The following PIEZO2 variants were observed in gnomAD, a reference collection of about 807,000 sequenced individuals.
The protein encoded by PIEZO2 is piezo-type mechanosensitive ion channel component 2.
A neutral mutation model predicts 337.3 loss-of-function variants in PIEZO2; 172 were observed. The observed-to-expected ratio is 0.51, with a 90% CI of 0.45 to 0.58. The LOEUF (loss-of-function observed/expected upper bound fraction) is 0.58, where lower values mean the gene tolerates loss of function less well. PIEZO2 is among the 20% of genes least tolerant of loss of function. The pLI, the probability that PIEZO2 is intolerant of heterozygous loss-of-function variation, is 0.00. For synonymous variants in PIEZO2, 1,251 were observed against 1,228.5 expected (o/e 1.02, Z -0.38); for missense variants, 3,028 against 3,391.3 (o/e 0.89, Z 2.66).
At chr18:11,022,769 T>C (rs2036360669) in intron 2 of PIEZO2, among the ~76,000 whole-genome samples, 1 of 152,216 alleles carries the variant, frequency 6.6e-6, no homozygotes, top group Non-Finnish European at 1.5e-5. Flanking sequence ...AACTCTAGGC[T>C]ATTTTGTCCA....
intron 2 of PIEZO2, among the ~76,000 whole-genome samples, chr18:11,010,646 T>C (rs901791780): frequency 4.6e-5 from 7 of 152,192 alleles, no homozygotes; most frequent in Non-Finnish European, 8.8e-5. Flanking sequence ...TGTGAAAAAC[T>C]CACCAACTTG....
rs1413603745 is a variant in PIEZO2, at chr18:10,855,509, C to A, written c.761G>T (p.Cys254Phe). The change falls in exon 7 of 56, where the codon TGC becomes TTC. Residue 254 changes from cysteine to phenylalanine, a missense_variant. Physicochemically the swap from Cys to Phe is radical, Grantham distance 205. Coordinates refer to ENST00000674853, the MANE Select transcript of PIEZO2 (RefSeq NM_001378183.1). The surrounding 1 kb of genome is among the most constrained non-coding windows in gnomAD (Gnocchi z 4.9). ...SVYFFVFLGL[C>F]TWWSWCRTFD... is the part of the protein sequence containing the mutation. Reference sequence around the variant, plus strand: ...CGTCCGGCACCAGGACCACCAGGTGCACAGACCCAAAAATACAAAAAAATA... The same window carrying A: ...CGTCCGGCACCAGGACCACCAGGTGAACAGACCCAAAAATACAAAAAAATA... The A allele has an allele frequency of 6.5e-7, 1 of 1,537,026 alleles. No homozygotes were observed.
chr18:10,842,408 A>C (rs1683375), intron 7 of PIEZO2, among the ~76,000 whole-genome samples: 120,170 of 152,086 alleles, frequency 0.79, 47,833 homozygotes, highest in East Asian at 0.94. Context: ...AATGCCCTCC[A>C]TGAAGGGTTG....
rs1034663970 is a variant in PIEZO2 at position 10,857,332 on chromosome 18, G to A, written c.493-121C>T. On this transcript the variant is annotated intron_variant, in intron 5 of 55. Coordinates refer to ENST00000674853, the MANE Select transcript of PIEZO2 (RefSeq NM_001378183.1). ...GTGAATTTCACAGATCAGGAAAAAA[G>A]GGAAGACAACCAGTTCATTCCCCTC... is the stretch of plus-strand genomic sequence containing the variant. The A allele has an allele frequency of 8.5e-6, 7 of 825,474 alleles. No homozygotes were observed. In the African/African-American group the frequency reaches 1.2e-4, roughly 14 times the overall value. 51.1% of individuals were successfully genotyped at this position (825,474 alleles called of 1,614,324 possible).
In PIEZO2 at chr18:10,714,788, A is replaced by G. The variant is rs1478873393; in HGVS notation, c.5399T>C (p.Leu1800Ser). ...GAQTAHRMDSLDSHDSISSCY... is the reference protein window; with the variant it reads ...GAQTAHRMDSSDSHDSISSCY... ...CCTGGAGATACTGTCATGTGAATCT[A>G]AACTATCCATCCTGTGGGCTGTCTG... The change falls in exon 39 of 56, where the codon TTA becomes TCA. Residue 1800 changes from leucine to serine, a missense_variant. By Grantham distance (145) the Leu-to-Ser change is moderately radical. Around this residue, in one of 5 missense-constraint regions of PIEZO2, gnomAD observed 1,925 missense variants for 2,051.9 expected, o/e 0.94. Transcript: ENST00000674853. The G allele has an allele frequency of 6.5e-7, 1 of 1,537,274 alleles. No homozygotes were observed. The highest frequency in any genetic ancestry group is 1.2e-5 in the South Asian group (1 of 84,066).
intron 7 of PIEZO2, among the ~76,000 whole-genome samples, chr18:10,841,991 A>G (rs1176389782): frequency 6.6e-6 from 1 of 152,122 alleles, no homozygotes; most frequent in Non-Finnish European, 1.5e-5. Flanking sequence ...CTCTGTCTCT[A>G]CTAAAAATAC....
chr18:10,839,692 A>G (rs182531009), intron 7 of PIEZO2, among the ~76,000 whole-genome samples: 4 of 152,326 alleles, frequency 2.6e-5, no homozygotes, highest in Admixed American at 2.6e-4. Context: ...CAACCCCAGG[A>G]TAGTAGCTGG....
intron 1 of PIEZO2, among the ~76,000 whole-genome samples, chr18:11,103,242 C>A (rs542843286): frequency 2.6e-5 from 4 of 152,186 alleles, no homozygotes; most frequent in Admixed American, 2.6e-4. Context: ...AAATAAACAA[C>A]TTATACAATA....
At chr18:10,898,377 C>T (rs1235430634) in intron 4 of PIEZO2, among the ~76,000 whole-genome samples, 4 of 151,572 alleles carry the variant, frequency 2.6e-5, no homozygotes, top group Admixed American at 6.6e-5. Flanking sequence ...GCCGAAATTG[C>T]GCCAGTGCAC....
rs564206124 is a variant in PIEZO2 at position 11,112,240 on chromosome 18, G to A, written c.64+36285C>T. 3.9e-5 allele frequency among the ~76,000 whole-genome samples: 6 copies of A among 152,074 alleles called. No homozygotes were observed. Among genetic ancestry groups the A allele is most frequent in the South Asian group, 2.1e-4 (1 of 4,812 alleles). Reference sequence around the variant, plus strand: ...ATATTCGGATATTTGTAAAGATAACGGTGACTTTTCAAGTTCTGAATACCA... The same window carrying A: ...ATATTCGGATATTTGTAAAGATAACAGTGACTTTTCAAGTTCTGAATACCA... On this transcript the variant is annotated intron_variant, in intron 1 of 55. Coordinates refer to ENST00000674853, the MANE Select transcript of PIEZO2 (RefSeq NM_001378183.1). This position sits in a 1 kb window ranked among gnomAD's most constrained non-coding sequence, Gnocchi z 4.3.
chr18:10,705,853 A>C, intron 40 of PIEZO2, 107 bp from the exon 41 acceptor site: 1 of 1,306,736 alleles, frequency 7.7e-7, no homozygotes, highest in East Asian at 2.6e-5. Context: ...GAAATGCCCC[A>C]TTTTCCCCCC....
Position 10,979,819 on chromosome 18 carries a change from G to A in PIEZO2, c.161-159C>T, listed in dbSNP as rs2034596178. Among the ~76,000 whole-genome samples, 1 of 152,038 alleles carries A rather than the reference G, an allele frequency of 6.6e-6. No individual in the cohort carries two copies. Among genetic ancestry groups the A allele is most frequent in the Non-Finnish European group, 1.5e-5 (1 of 68,002 alleles). ...TTAATTATTAGTCTATAGCTAAATG[G>A]TATCTTATTCCCTTTGTAACATCAA... On this transcript the variant is annotated intron_variant, in intron 2 of 55. Coordinates refer to ENST00000674853, the MANE Select transcript of PIEZO2 (RefSeq NM_001378183.1). The surrounding 1 kb of genome is among the most constrained non-coding windows in gnomAD (Gnocchi z 4.0).
At chr18:10,838,151 CTTG>C (rs2041077203) in intron 7 of PIEZO2, among the ~76,000 whole-genome samples, 2 of 152,186 alleles carry the variant, frequency 1.3e-5, no homozygotes, top group African/African-American at 4.8e-5. Context: ...CTCTCCATTT[CTTG>C]TGGCATCCCA....
At chr18:11,026,961 G>T (rs2036563590) in intron 2 of PIEZO2, among the ~76,000 whole-genome samples, 1 of 152,162 alleles carries the variant, frequency 6.6e-6, no homozygotes, top group South Asian at 2.1e-4. Flanking sequence ...CACATCACTT[G>T]AACTAATGGG....
rs942548867 is a variant in PIEZO2 at position 10,807,200 on chromosome 18, G to A, written c.992C>T (p.Ser331Leu). Reference protein sequence around the residue: ...TWKIIVNPDLSWYHHANPILL... With the variant: ...TWKIIVNPDLLWYHHANPILL... ...GATAGGGTTGGCGTGGTGGTACCAC[G>A]ACAGGTCCGGGTTCACTATGATCTT... The change falls in exon 8 of 56, where the codon TCG becomes TTG. Residue 331 changes from serine to leucine, a missense_variant. Around this residue, in one of 5 missense-constraint regions of PIEZO2, gnomAD observed 542 missense variants for 605.6 expected, o/e 0.89. Transcript: ENST00000674853. The A allele has an allele frequency of 2.3e-5, 36 of 1,537,140 alleles. No individual in the cohort carries two copies. The Admixed American group carries it at 5.1e-4, about 22-fold the overall frequency.
intron 27 of PIEZO2, among the ~76,000 whole-genome samples, chr18:10,755,568 G>A (rs564915033): frequency 1.3e-5 from 2 of 152,278 alleles, no homozygotes; most frequent in East Asian, 3.9e-4. Flanking sequence ...TCTCAATACG[G>A]AAACCCAGGG....
At chr18:10,695,933 T>C (rs1311720655) in intron 47 of PIEZO2, 141 bp downstream of exon 47, 2 of 778,580 alleles carry the variant, frequency 2.6e-6, no homozygotes, top group Admixed American at 4.4e-5. Flanking sequence ...CCCAAACCTT[T>C]AGCTCTTCCT....
intron 1 of PIEZO2, among the ~76,000 whole-genome samples, chr18:11,139,656 C>A (rs995368928): frequency 6.6e-6 from 1 of 152,142 alleles, no homozygotes; most frequent in Non-Finnish European, 1.5e-5. Context: ...GATATTTACA[C>A]TTCAAATGAA....
At chr18:10,805,608 A>G (rs1384178968) in intron 8 of PIEZO2, among the ~76,000 whole-genome samples, 1 of 152,232 alleles carries the variant, frequency 6.6e-6, no homozygotes, top group African/African-American at 2.4e-5. Flanking sequence ...GAGGAATTGG[A>G]CACAATTTTA....
Sources: gnomAD v4.1 joint callset for allele counts (sites outside exome capture counted in the v4.1 genomes callset) on GRCh38, gnomAD v4.1.1 for gene constraint, gnomAD v4.1.1 regional missense constraint, Gnocchi (gnomAD v3.1) non-coding constraint, MANE v1.5 for transcripts, NCBI Gene and HGNC (gene_info 2026-07-23, HGNC 2026-07-21) for gene names.